SETDB1: variants seen among roughly 807,000 people sequenced by gnomAD.
SETDB1 encodes the protein histone-lysine N-methyltransferase SETDB1.
Under a neutral mutation model 137.4 loss-of-function variants are expected in SETDB1, and 31 were observed. That is an observed-to-expected ratio of 0.23 (90% CI 0.17 to 0.30). SETDB1 has a LOEUF of 0.30. Ranked by LOEUF, SETDB1 falls within the 10% of genes least tolerant of loss-of-function variation. The pLI is 1.00. For synonymous variants in SETDB1, 548 were observed against 579.9 expected, an observed-to-expected ratio of 0.95 and a Z score of 0.79; for missense variants, 1,113 against 1,631.5, an observed-to-expected ratio of 0.68 and a Z score of 5.47.
chr1:150,941,013 A>T (rs1239238250), intron 4 of SETDB1, among the ~76,000 whole-genome samples: 1 of 151,620 alleles, frequency 6.6e-6, no homozygotes, highest in African/African-American at 2.4e-5. Context: ...AAAAAAAAAA[A>T]TTAGCTGGGC....
At chr1:150,940,503 G>A (rs1379072904) in intron 4 of SETDB1, among the ~76,000 whole-genome samples, 1 of 151,596 alleles carries the variant, frequency 6.6e-6, no homozygotes, top group Admixed American at 6.6e-5. Context: ...AGGAGGCAGA[G>A]GTTGCAATGA....
intron 10 of SETDB1, among the ~76,000 whole-genome samples, chr1:150,947,879 A>G (rs1440756348): frequency 6.6e-6 from 1 of 152,172 alleles, no homozygotes; most frequent in African/African-American, 2.4e-5. Context: ...TATATTTCTG[A>G]AAATATTTCC....
chr1:150,963,930 ACT>A, intron 20 of SETDB1, 63 bp from the exon 21 acceptor site: 1 of 1,482,908 alleles, frequency 6.7e-7, no homozygotes, highest in Non-Finnish European at 9.4e-7. Flanking sequence ...TCCAACTCTC[ACT>A]CTCCCTGCAA....
At chr1:150,940,065 G>A (rs1670084836) in intron 4 of SETDB1, 91 bp downstream of exon 4, 1 of 862,560 alleles carries the variant, frequency 1.2e-6, no homozygotes, top group Middle Eastern at 2.2e-4. Context: ...TTAGCTGTCA[G>A]TATCTAATCA....
At chr1:150,959,933 TGTG>T (rs1571660780) in intron 15 of SETDB1, among the ~76,000 whole-genome samples, 1 of 150,792 alleles carries the variant, frequency 6.6e-6, no homozygotes, top group African/African-American at 2.4e-5. Flanking sequence ...ATTAGCCAGG[TGTG>T]GTGGTGGATG....
intron 14 of SETDB1, among the ~76,000 whole-genome samples, chr1:150,953,884 T>G (rs1288038917): frequency 6.6e-6 from 1 of 151,914 alleles, no homozygotes; most frequent in Non-Finnish European, 1.5e-5. Context: ...AGATGGAGTC[T>G]TGCTCTGTCG....
intron 3 of SETDB1, among the ~76,000 whole-genome samples, chr1:150,933,074 T>C (rs921873805): frequency 6.6e-6 from 1 of 152,148 alleles, no homozygotes; most frequent in Non-Finnish European, 1.5e-5. Flanking sequence ...AATGAATTGA[T>C]TGATTGACAA....
At chr1:150,956,880 C>T (rs587709294) in intron 14 of SETDB1, among the ~76,000 whole-genome samples, 4 of 151,954 alleles carry the variant, frequency 2.6e-5, no homozygotes, top group African/African-American at 4.8e-5. Flanking sequence ...TTTGGGAGGC[C>T]GTGGTGGGGG....
At chr1:150,957,232 A>G (rs948984580) in intron 14 of SETDB1, among the ~76,000 whole-genome samples, 15 of 151,764 alleles carry the variant, frequency 9.9e-5, no homozygotes, top group African/African-American at 3.4e-4. Context: ...GCAGGGTATG[A>G]TGGCATGCAC....
At position 150,962,121 on chromosome 1, in the gene SETDB1, C is replaced by A; in HGVS notation, c.3133-9C>A. 1 of 1,614,096 alleles carries A rather than the reference C, an allele frequency of 6.2e-7. No homozygotes were observed. The highest frequency in any genetic ancestry group is 8.5e-7 in the Non-Finnish European group (1 of 1,179,980). Reference sequence around the variant, plus strand: ...GAAAGCATTTAACCCTTCACTTGTTCTTTTCCAGGACACTGACGACCGAAA... The same window carrying A: ...GAAAGCATTTAACCCTTCACTTGTTATTTTCCAGGACACTGACGACCGAAA... On this transcript the variant is annotated splice_polypyrimidine_tract_variant and intron_variant, in intron 16 of 21. Transcript: ENST00000692827.
In SETDB1 at chr1:150,962,612, G is replaced by C. The variant is rs587677129; in HGVS notation, c.3187G>C (p.Gly1063Arg). Residue 1063 changes from glycine to arginine, a missense_variant, in exon 18 of 22, where the codon GGT (glycine) becomes CGT (arginine). Physicochemically the swap from Gly to Arg is moderately radical, Grantham distance 125 (BLOSUM62 -2). This residue lies in a region of SETDB1 where 373 missense variants were observed against 412.7 expected (regional missense o/e 0.90). Transcript: ENST00000692827. ...SVVTESSRNY[G>R]YNPSPVKPEG... ...AGTTACTGAAAGCTCTCGAAATTAC[G>C]GTTACAATCCTTCTCCTGTGAAGCC... is the stretch of plus-strand genomic sequence containing the variant. The C allele has an allele frequency of 6.2e-7, 1 of 1,613,914 alleles. No homozygotes were observed. The highest frequency in any genetic ancestry group is 8.5e-7 in the Non-Finnish European group (1 of 1,179,914).
intron 5 of SETDB1, among the ~76,000 whole-genome samples, chr1:150,942,163 G>A (rs1331364869): frequency 2.0e-4 from 26 of 132,220 alleles, no homozygotes; most frequent in African/African-American, 4.3e-4. Flanking sequence ...AAAATTGGCC[G>A]GGCACAGTGG....
intron 9 of SETDB1, among the ~76,000 whole-genome samples, chr1:150,946,556 C>G (rs1014219570): frequency 2.0e-5 from 3 of 152,076 alleles, no homozygotes; most frequent in African/African-American, 7.2e-5. Flanking sequence ...TCAAGCAATT[C>G]TCCTGCCTCA....
chr1:150,943,081 T>C, intron 7 of SETDB1, 28 bp downstream of exon 7: 1 of 1,558,024 alleles, frequency 6.4e-7, no homozygotes, highest in Non-Finnish European at 8.8e-7. Context: ...TGTAAAGGGG[T>C]AGAGGCTGGG....
At chr1:150,950,176 G>A (rs587681966) in intron 12 of SETDB1, among the ~76,000 whole-genome samples, 1 of 151,824 alleles carries the variant, frequency 6.6e-6, no homozygotes, top group South Asian at 2.1e-4. Context: ...AGAGGTTGTG[G>A]TGAGCCAAGA....
intron 15 of SETDB1, 38 bp downstream of exon 15, chr1:150,959,385 G>A: frequency 6.6e-7 from 1 of 1,516,058 alleles, no homozygotes; most frequent in South Asian, 1.2e-5. Flanking sequence ...CCTGAGACTG[G>A]GACATGGTAG....
At position 150,961,241 on chromosome 1, in the gene SETDB1, G is replaced by GT. The variant is rs761328575; in HGVS notation, c.3132+51dup. 9 of 1,566,596 alleles carry GT rather than the reference G, an allele frequency of 5.7e-6. No homozygotes were observed. In the Admixed American group the frequency reaches 1.2e-4, roughly 22 times the overall value. ...GAGCTATGGCTTTAACTTTGGTGCA[G>GT]TAACAATGCAGTCTCACCATGAGTC... On this transcript the variant is annotated intron_variant, in intron 16 of 21. Coordinates refer to ENST00000692827, the MANE Select transcript of SETDB1 (RefSeq NM_001366418.1).
rs370235566 is a variant in SETDB1, at chr1:150,942,607, C to T, written c.592C>T (p.Leu198=). ...TGGAGAACTAAGCAAAGATGGTGACCTGATAGTCAGCATGCGAATTCTGGG... is the reference window on the plus strand; with the variant it reads ...TGGAGAACTAAGCAAAGATGGTGACTTGATAGTCAGCATGCGAATTCTGGG... ...MSGELSKDGD[L]IVSMRILGKK... is the part of the protein sequence containing the mutation. Residue 198 remains leucine (L), a synonymous_variant, in exon 6 of 22, where the codon CTG becomes TTG. Transcript: ENST00000692827. 219 of 1,613,464 alleles carry T rather than the reference C, an allele frequency of 1.4e-4. 2 individuals carry two copies. In the South Asian group the frequency reaches 2.3e-3, roughly 17 times the overall value.
At chr1:150,945,394 C>A in intron 9 of SETDB1, 2 of 966,122 alleles carry the variant, frequency 2.1e-6, no homozygotes, top group Non-Finnish European at 2.8e-6. Context: ...GAAAGGGCAG[C>A]CAATTCCATT....
Sources: gnomAD v4.1 joint callset for allele counts (sites outside exome capture counted in the v4.1 genomes callset) on GRCh38, gnomAD v4.1.1 for gene constraint, gnomAD v4.1.1 regional missense constraint, MANE v1.5 for transcripts, NCBI Gene and HGNC (gene_info 2026-07-23, HGNC 2026-07-21) for gene names.